CEP250: variants seen among roughly 807,000 people sequenced by gnomAD.
CEP250 encodes the protein centrosomal protein 250, also known as centrosome-associated protein CEP250.
Under a neutral mutation model 315.7 loss-of-function variants are expected in CEP250, and 242 were observed. The observed-to-expected ratio is 0.77, with a 90% confidence interval of 0.69 to 0.85. The LOEUF is 0.85. CEP250 is among the 40% of genes least tolerant of loss of function. The probability of loss-of-function intolerance (pLI) is 0.00; values close to 1 mark genes in which losing one functional copy is unlikely to be tolerated. For missense variants in CEP250, 2,515 were observed against 2,886.4 expected (o/e 0.87, Z 2.95); for synonymous variants, 1,088 against 1,175.0 (o/e 0.93, Z 1.51).
Position 35,498,731 on chromosome 20 carries a change from T to C in CEP250, c.3777+15T>C. On this transcript the variant is annotated intron_variant, in intron 27 of 34. Transcript: ENST00000397527. ...AACAGACCCGGGTATGTTTCTCTGC[T>C]CCCCTTTCCCGAACTCTTTACATCC... 1 of 1,554,884 alleles carries C rather than the reference T, an allele frequency of 6.4e-7. No individual in the cohort carries two copies. Among genetic ancestry groups the C allele is most frequent in the Non-Finnish European group, 8.6e-7 (1 of 1,157,710 alleles).
In CEP250 at chr20:35,503,043, G is replaced by C. The variant is rs149333362; in HGVS notation, c.4674G>C (p.Leu1558=). 779 of 1,614,202 alleles carry C rather than the reference G, an allele frequency of 4.8e-4. 2 individuals carry two copies. The highest frequency in any genetic ancestry group is 6.2e-4 in the Non-Finnish European group (733 of 1,180,044). The stretch of plus-strand genomic sequence containing the variant: ...AGCAGTTGGTTACTCTGGAATGCCT[G>C]GCCCTGGAACTGGAGGAAAACCATC... ...LKKQLVTLEC[L]ALELEENHHK... Residue 1558 remains leucine (L), a synonymous_variant, in exon 30 of 35, where the codon CTG becomes CTC. Transcript: ENST00000397527. The surrounding 1 kb of genome is among the most constrained non-coding windows in gnomAD (Gnocchi z 4.2).
intron 34 of CEP250, 21 bp from the exon 35 acceptor site, chr20:35,511,342 T>C (rs2064351182): frequency 6.3e-7 from 1 of 1,578,054 alleles, no homozygotes; most frequent in Non-Finnish European, 8.6e-7. Flanking sequence ...CTCGCTTTTT[T>C]TTTTTTTTCC....
intron 30 of CEP250, among the ~76,000 whole-genome samples, chr20:35,506,477 C>T (rs150621344): frequency 2.2e-4 from 33 of 152,260 alleles, no homozygotes; most frequent in Admixed American, 3.3e-4. Context: ...AACAGGAAAG[C>T]CAAGTTGGCT....
In CEP250 at chr20:35,517,752, C is replaced by CAA. The variant is rs11399738; in HGVS notation, c.*6141_*6142dup. Reference sequence around the variant, plus strand: ...GAGTGATAAAAGTGAGACCCTGTCTCAAAAAAAAAAAAAAAATTAAAGAAG... The same window carrying CAA: ...GAGTGATAAAAGTGAGACCCTGTCTCAAAAAAAAAAAAAAAAAATTAAAGAAG... On this transcript the variant is annotated 3_prime_UTR_variant, in exon 35 of 35. Transcript: ENST00000397527. 1,727 of 122,588 alleles carry CAA rather than the reference C, an allele frequency of 0.014. 28 individuals carry two copies. Among genetic ancestry groups the CAA allele is most frequent in the African/African-American group, 0.039 (1,347 of 34,310 alleles). 7.6% of individuals were successfully genotyped at this position (122,588 alleles called of 1,614,324 possible).
chr20:35,463,818 A>G (rs958753934), intron 5 of CEP250, among the ~76,000 whole-genome samples, 187 bp downstream of exon 5: 14 of 152,116 alleles, frequency 9.2e-5, no homozygotes, highest in African/African-American at 3.4e-4. Context: ...TCAGATTCCA[A>G]CCCTTGGTTT....
chr20:35,503,233 G>A lies in CEP250; in HGVS notation c.4864G>A (p.Ala1622Thr). ...CCTGGAGAGCCACAGCACCGTTCTG[G>A]CAAGAGAGCTGCAGGAGAGGGACCA... The part of the protein sequence containing the change: ...HDLESHSTVL[A>T]RELQERDQEV... The change falls in exon 30 of 35, where the codon GCA (alanine) becomes ACA (threonine). Residue 1622 changes from alanine (A) to threonine (T), a missense_variant. Ala to Thr is a moderately conservative substitution (Grantham distance 58). Transcript: ENST00000397527. The surrounding 1 kb of genome is among the most constrained non-coding windows in gnomAD (Gnocchi z 4.2). The A allele has an allele frequency of 2.5e-6, 4 of 1,614,190 alleles. No individual in the cohort carries two copies. The highest frequency in any genetic ancestry group is 3.4e-6 in the Non-Finnish European group (4 of 1,180,032).
intron 32 of CEP250, among the ~76,000 whole-genome samples, chr20:35,508,608 C>T (rs2064263973): frequency 6.6e-6 from 1 of 152,168 alleles, no homozygotes; most frequent in South Asian, 2.1e-4. Context: ...CCACCACGCC[C>T]AGCCCTGAAA....
At position 35,465,739 on chromosome 20, in the gene CEP250, G is replaced by T. The variant is rs777093587; in HGVS notation, c.244-4G>T. On this transcript the variant is annotated splice_polypyrimidine_tract_variant and splice_region_variant and intron_variant, in intron 5 of 34. Transcript: ENST00000397527. ...TAAGTAAGGCTTGTCTCTGTCTGGC[G>T]CAGGGACCAATCCCCCAGAGGTGGG... is the stretch of plus-strand genomic sequence containing the variant. 5.7e-6 allele frequency: 9 copies of T among 1,591,784 alleles called. No homozygotes were observed. In the Admixed American group the frequency reaches 1.2e-4, roughly 22 times the overall value.
Position 35,494,515 on chromosome 20 carries a change from A to C in CEP250, c.3034-9A>C. The stretch of plus-strand genomic sequence containing the variant: ...TGCCATCTTGGTCTTCATGCCCTTA[A>C]TTTTCCAGGTGGAGGACTTGAAGTC... On this transcript the variant is annotated splice_polypyrimidine_tract_variant and intron_variant, in intron 23 of 34. Coordinates refer to ENST00000397527, the MANE Select transcript of CEP250 (RefSeq NM_007186.6). The C allele has an allele frequency of 6.2e-7, 1 of 1,613,444 alleles. No homozygotes were observed.
chr20:35,501,566 A>T (rs925142241), intron 28 of CEP250, among the ~76,000 whole-genome samples: 16 of 152,158 alleles, frequency 1.1e-4, no homozygotes, highest in Admixed American at 9.2e-4. Flanking sequence ...ATTGAGGGCC[A>T]AGGCTCTCTG....
chr20:35,469,787 T>C (rs1386620857), intron 9 of CEP250, 103 bp from the exon 10 acceptor site: 1 of 617,950 alleles, frequency 1.6e-6, no homozygotes, highest in Non-Finnish European at 2.7e-6. Flanking sequence ...GAGGCTGCAG[T>C]TGGGAGTGGT....
In CEP250 at chr20:35,503,276, G is replaced by A. The variant is rs751982784; in HGVS notation, c.4907G>A (p.Arg1636Gln). 1.6e-5 allele frequency: 26 copies of A among 1,613,992 alleles called. No individual in the cohort carries two copies. In the Admixed American group the frequency reaches 1.7e-4, roughly 10 times the overall value. The change falls in exon 30 of 35, where the codon CGA becomes CAA. Residue 1636 changes from arginine (R) to glutamine (Q), a missense_variant. Physicochemically the swap from Arg to Gln is conservative, Grantham distance 43. Coordinates refer to ENST00000397527, the MANE Select transcript of CEP250 (RefSeq NM_007186.6). This position sits in a 1 kb window ranked among gnomAD's most constrained non-coding sequence, Gnocchi z 4.2. ...AGGGACCAGGAGGTGAAGTCTCAGC[G>A]AGAACAGATCGAGGAGCTGCAGAGG... ...QERDQEVKSQ[R>Q]EQIEELQRQK...
At chr20:35,476,402 C>T in intron 15 of CEP250, 47 bp from the exon 16 acceptor site, 2 of 1,584,184 alleles carry the variant, frequency 1.3e-6, no homozygotes, top group South Asian at 1.1e-5. Flanking sequence ...TTTACTGTTC[C>T]AGGAAAATTG....
chr20:35,477,679 A>C (rs770598338), intron 16 of CEP250, 192 bp from the exon 17 acceptor site: 24 of 593,368 alleles, frequency 4.0e-5, no homozygotes, highest in Non-Finnish European at 7.2e-5. Context: ...CGTCCCCAGC[A>C]TCCAGCCCAT....
At chr20:35,460,734 C>A (rs921402972) in intron 3 of CEP250, among the ~76,000 whole-genome samples, 6 of 152,364 alleles carry the variant, frequency 3.9e-5, no homozygotes, top group Middle Eastern at 3.4e-3. Context: ...AATTTGAATT[C>A]TTAAAAACTA....
intron 22 of CEP250, among the ~76,000 whole-genome samples, chr20:35,491,694 G>T (rs2063700517): frequency 6.6e-6 from 1 of 152,122 alleles, no homozygotes; most frequent in African/African-American, 2.4e-5. Flanking sequence ...GTTGAGGTCA[G>T]GAGTTCGAGA....
At chr20:35,488,991 G>A (rs2063604700) in intron 20 of CEP250, among the ~76,000 whole-genome samples, 1 of 152,070 alleles carries the variant, frequency 6.6e-6, no homozygotes, top group Non-Finnish European at 1.5e-5. Flanking sequence ...TTCAAAACCA[G>A]CCTGGCCAAC....
In CEP250 at chr20:35,516,373, G is replaced by C. The variant is rs994198311; in HGVS notation, c.*4747G>C. 1 of 152,214 alleles carries C rather than the reference G, an allele frequency of 6.6e-6. No homozygotes were observed. 9.4% of individuals were successfully genotyped at this position (152,214 alleles called of 1,614,324 possible). ...TTGGTTTCCTATCAAAACCTCTCCCGTATCTATGAACATTCCAGCCCTGCA... is the reference window on the plus strand; with the variant it reads ...TTGGTTTCCTATCAAAACCTCTCCCCTATCTATGAACATTCCAGCCCTGCA... On this transcript the variant is annotated 3_prime_UTR_variant, in exon 35 of 35. Transcript: ENST00000397527.
intron 20 of CEP250, among the ~76,000 whole-genome samples, chr20:35,486,309 C>T (rs1039628009): frequency 1.3e-5 from 2 of 151,954 alleles, no homozygotes; most frequent in African/African-American, 4.8e-5. Flanking sequence ...CTGTACAACT[C>T]TAGCTCACTG....
Sources: gnomAD v4.1 joint callset for allele counts (sites outside exome capture counted in the v4.1 genomes callset) on GRCh38, gnomAD v4.1.1 for gene constraint, Gnocchi (gnomAD v3.1) non-coding constraint, MANE v1.5 for transcripts, NCBI Gene and HGNC (gene_info 2026-07-23, HGNC 2026-07-21) for gene names.